The following HMSD variants were observed in gnomAD, a reference collection of about 807,000 sequenced individuals.
HMSD encodes the protein histocompatibility minor serpin domain containing.
A neutral mutation model predicts 10.0 loss-of-function variants in HMSD; 13 were observed. The ratio of observed to expected loss-of-function variants is 1.31; its 90% CI spans 0.85 to 2.08. The LOEUF (loss-of-function observed/expected upper bound fraction) is 2.08, where lower values mean the gene tolerates loss of function less well. Ranked by LOEUF, HMSD falls within the 30% of genes most tolerant of loss-of-function variation. HMSD has a pLI of 0.00. For missense variants in HMSD, 169 were observed against 166.3 expected (o/e 1.02, Z -0.09); for synonymous variants, 51 against 54.2 (o/e 0.94, Z 0.26).
At chr18:63,963,083 T>TTTCTTTC (rs1491052076), downstream of HMSD, among the ~76,000 whole-genome samples, 185 of 47,908 alleles carry the variant, frequency 3.9e-3, no homozygotes, top group African/African-American at 0.022. Context: ...CTTTCTTTCT[T>TTTCTTTC]TCTTTCTTTC....
chr18:63,965,001 ATTAC>A (rs1309488441), downstream of HMSD, among the ~76,000 whole-genome samples: 1 of 152,184 alleles, frequency 6.6e-6, no homozygotes, highest in East Asian at 1.9e-4. Context: ...TAAAAAATCT[ATTAC>A]TTAATAATTC....
chr18:63,956,171 T>C (rs535555091), intron 3 of HMSD, among the ~76,000 whole-genome samples: 1 of 152,266 alleles, frequency 6.6e-6, no homozygotes, highest in Admixed American at 6.5e-5. Flanking sequence ...GGCAAATATT[T>C]TATGACAAAG....
rs951091437 is a variant in HMSD, at chr18:63,961,533, C to T, written c.*1178C>T. 9 of 152,360 alleles carry T rather than the reference C, an allele frequency of 5.9e-5. No homozygotes were observed. The highest frequency in any genetic ancestry group is 2.2e-4 in the African/African-American group (9 of 41,566). The allele number at this position is 152,360 out of a possible 1,614,324, so 9.4% of individuals were successfully genotyped here. A position where few individuals can be genotyped will look rare whatever the true frequency, so the allele number is the denominator to read the frequency against. ...CCTGCTCTTGTCAGATATGTGCACC[C>T]TATTCACCCACTGAGCAGGAAGGCT... On this transcript the variant is annotated 3_prime_UTR_variant, in exon 4 of 4. Coordinates refer to ENST00000408945, the MANE Select transcript of HMSD (RefSeq NM_001123366.2).
chr18:63,963,071 CTCTT>C (rs58573319), downstream of HMSD, among the ~76,000 whole-genome samples: 18,895 of 104,052 alleles, frequency 0.18, 1,974 homozygotes, highest in Middle Eastern at 0.23. Flanking sequence ...TCTTTTCTTT[CTCTT>C]TCTTTCTTTC....
chr18:63,957,946 C>A, intron 3 of HMSD, among the ~76,000 whole-genome samples: 1 of 152,012 alleles, frequency 6.6e-6, no homozygotes, highest in East Asian at 1.9e-4. Flanking sequence ...CTTAAAATAG[C>A]AGACAGTTAT....
At chr18:63,969,417 C>CA (rs766872547) in intron 3 of HMSD, 1 of 152,056 alleles carries the variant, frequency 6.6e-6, no homozygotes, top group Admixed American at 6.6e-5. Context: ...ATAGAGGTGA[C>CA]AGAGTATGGA....
At chr18:63,966,418 G>T (rs1173032540), downstream of HMSD, 1 of 152,208 alleles carries the variant, frequency 6.6e-6, no homozygotes, top group African/African-American at 2.4e-5. Context: ...TGGGAGAACT[G>T]AAAAGAGAAT....
At chr18:63,963,975 C>T (rs772882731), downstream of HMSD, among the ~76,000 whole-genome samples, 6 of 152,232 alleles carry the variant, frequency 3.9e-5, no homozygotes, top group African/African-American at 7.2e-5. Flanking sequence ...ACACAATGGC[C>T]ATTTCTGCAT....
At chr18:63,965,225 G>T (rs754703763), downstream of HMSD, among the ~76,000 whole-genome samples, 1 of 152,292 alleles carries the variant, frequency 6.6e-6, no homozygotes, top group Middle Eastern at 3.4e-3. Flanking sequence ...AAAATTCTGA[G>T]ATTAATGCTG....
rs1476750764 is a variant in HMSD at position 63,961,135 on chromosome 18, T to C, written c.*780T>C. 1 of 151,768 alleles carries C rather than the reference T, an allele frequency of 6.6e-6. No homozygotes were observed. Among genetic ancestry groups the C allele is most frequent in the African/African-American group, 2.4e-5 (1 of 41,308 alleles). The allele number at this position is 151,768 out of a possible 1,614,324, so 9.4% of individuals were successfully genotyped here. A position where few individuals can be genotyped will look rare whatever the true frequency, so the allele number is the denominator to read the frequency against. ...CTGCCTTGTGGATAGTCCAGTCAAG[T>C]GGAGTAAGAGGTGGGAGTGGGGAGT... On this transcript the variant is annotated 3_prime_UTR_variant, in exon 4 of 4. Transcript: ENST00000408945.
intron 3 of HMSD, chr18:63,968,622 G>A (rs1410458535): frequency 4.6e-5 from 7 of 152,240 alleles, no homozygotes; most frequent in South Asian, 2.1e-4. Flanking sequence ...GAAGTTTCAC[G>A]GAGGAAAACA....
rs562421091 is a variant in HMSD at position 63,950,415 on chromosome 18, C to CAAAAAAAAAAAAAA, written c.-103+1029_-103+1042dup. Among the ~76,000 whole-genome samples the CAAAAAAAAAAAAAA allele has an allele frequency of 2.0e-3, 78 of 39,060 alleles. 7 individuals are homozygous for CAAAAAAAAAAAAAA. The highest frequency in any genetic ancestry group is 4.6e-3 in the African/African-American group (70 of 15,328). 25.6% of individuals were successfully genotyped at this position (39,060 alleles called of 152,430 possible). On this transcript the variant is annotated intron_variant, in intron 1 of 3. Coordinates refer to ENST00000408945, the MANE Select transcript of HMSD (RefSeq NM_001123366.2). ...TGAGGGACAAAGCGAGACTCTCTCT[C>CAAAAAAAAAAAAAA]AAAAAAAAAAAAAAAAAAAAAAAAA...
chr18:63,953,169 C>T (rs963123706), intron 1 of HMSD, among the ~76,000 whole-genome samples, 185 bp from the exon 2 acceptor site: 1 of 152,160 alleles, frequency 6.6e-6, no homozygotes, highest in Non-Finnish European at 1.5e-5. Context: ...CTCACAGCAC[C>T]TATCTCATCA....
chr18:63,950,781 C>T (rs1349132961), intron 1 of HMSD, among the ~76,000 whole-genome samples: 1 of 151,882 alleles, frequency 6.6e-6, no homozygotes, highest in Non-Finnish European at 1.5e-5. Flanking sequence ...GCAAAATGGT[C>T]CTTACATTTG....
chr18:63,963,692 CCATT>C (rs1299102300), downstream of HMSD, among the ~76,000 whole-genome samples: 1 of 152,186 alleles, frequency 6.6e-6, no homozygotes, highest in Non-Finnish European at 1.5e-5. Flanking sequence ...CCTGAGAACT[CCATT>C]CATTGCTGTG....
chr18:63,960,013 T>G (rs1457853672), intron 3 of HMSD, 145 bp from the exon 4 acceptor site: 2 of 850,738 alleles, frequency 2.4e-6, no homozygotes, highest in Non-Finnish European at 3.6e-6. Flanking sequence ...GAATTTGGAC[T>G]TTAGGTTAAT....
At chr18:63,966,452 C>A (rs1223226524), downstream of HMSD, 2 of 152,228 alleles carry the variant, frequency 1.3e-5, no homozygotes, top group African/African-American at 4.8e-5. Flanking sequence ...TCGAATGTAC[C>A]TGATAGGATA....
At chr18:63,949,573 G>A (rs2050318300) in intron 1 of HMSD, among the ~76,000 whole-genome samples, 173 bp downstream of exon 1, 1 of 152,206 alleles carries the variant, frequency 6.6e-6, no homozygotes, top group Non-Finnish European at 1.5e-5. Flanking sequence ...TCTGGCGGGG[G>A]CTCCCTAAGG....
chr18:63,949,828 C>T (rs957024894), intron 1 of HMSD, among the ~76,000 whole-genome samples: 13 of 152,136 alleles, frequency 8.5e-5, no homozygotes, highest in East Asian at 1.9e-4. Context: ...TTGTCGGTAC[C>T]GAAACTCGTA....
Sources: gnomAD v4.1 joint callset for allele counts (sites outside exome capture counted in the v4.1 genomes callset) on GRCh38, gnomAD v4.1.1 for gene constraint, MANE v1.5 for transcripts, NCBI Gene and HGNC (gene_info 2026-07-23, HGNC 2026-07-21) for gene names.